The following GLIS3 variants were observed in gnomAD, a reference collection of about 807,000 sequenced individuals.
GLIS3 encodes the protein GLIS family zinc finger 3, also known as zinc finger protein GLIS3.
GLIS3 carries 53 observed loss-of-function variants against 78.6 expected under a neutral mutation model. That is an observed-to-expected ratio of 0.67 (90% CI 0.54 to 0.85). The LOEUF (loss-of-function observed/expected upper bound fraction) is 0.85. Ranked by LOEUF, GLIS3 falls within the 40% of genes least tolerant of loss-of-function variation. The probability of loss-of-function intolerance (pLI) is 0.00; values close to 1 mark genes in which losing one functional copy is unlikely to be tolerated. For synonymous variants in GLIS3, 684 were observed against 509.9 expected (o/e 1.34, Z -4.60); for missense variants, 1,703 against 1,231.1 (o/e 1.38, Z -5.74).
intron 4 of GLIS3, among the ~76,000 whole-genome samples, chr9:4,069,187 C>G (rs1030995667): frequency 2.6e-5 from 4 of 152,158 alleles, no homozygotes; most frequent in Admixed American, 6.5e-5. Flanking sequence ...TTCTAAGATA[C>G]TGGCCAGCTC....
At chr9:4,483,715 C>T in the GLIS3 span, among the ~76,000 whole-genome samples, 2 of 136,898 alleles carry the variant, frequency 1.5e-5, no homozygotes, top group African/African-American at 2.8e-5. Context: ...AGTGAGACTT[C>T]GTCTTGGGAA....
At chr9:4,366,348 T>G in the GLIS3 span, among the ~76,000 whole-genome samples, 1 of 152,134 alleles carries the variant, frequency 6.6e-6, no homozygotes, top group Non-Finnish European at 1.5e-5. Flanking sequence ...CTGAGTACTT[T>G]CAAGCGAATC....
intron 6 of GLIS3, among the ~76,000 whole-genome samples, chr9:3,924,533 G>A (rs1310773607): frequency 1.3e-5 from 2 of 152,230 alleles, no homozygotes; most frequent in Admixed American, 1.3e-4. Context: ...AAAAGTTTTT[G>A]TATTAGGCTT....
chr9:3,919,714 A>G (rs1824748289), intron 6 of GLIS3, among the ~76,000 whole-genome samples: 1 of 151,934 alleles, frequency 6.6e-6, no homozygotes, highest in South Asian at 2.1e-4. Flanking sequence ...GGATACCCCA[A>G]CTGGATGGTA....
intron 6 of GLIS3, among the ~76,000 whole-genome samples, chr9:3,919,125 T>C (rs534117864): frequency 6.6e-6 from 1 of 152,100 alleles, no homozygotes; most frequent in Non-Finnish European, 1.5e-5. Context: ...CTTACACAAT[T>C]TTCAATTAGG....
chr9:4,166,493 C>G (rs913684922), intron 2 of GLIS3, among the ~76,000 whole-genome samples: 2 of 152,192 alleles, frequency 1.3e-5, no homozygotes, highest in Non-Finnish European at 2.9e-5. Context: ...AAAAAAATAA[C>G]CATTCTTACA....
chr9:4,459,095 A>G, the GLIS3 span, among the ~76,000 whole-genome samples: 1 of 152,122 alleles, frequency 6.6e-6, no homozygotes, highest in African/African-American at 2.4e-5. Flanking sequence ...TAGTAGAAAC[A>G]CTCTGGCTGC....
intron 2 of GLIS3, among the ~76,000 whole-genome samples, chr9:4,174,981 A>C (rs540150524): frequency 3.9e-5 from 6 of 152,312 alleles, no homozygotes. Flanking sequence ...CAAGGGTGCA[A>C]AGGGAAGGGA....
At chr9:4,323,550 T>A (rs527589262) in intron 2 of GLIS3, among the ~76,000 whole-genome samples, 233 of 152,312 alleles carry the variant, frequency 1.5e-3, no homozygotes, top group African/African-American at 5.4e-3. Flanking sequence ...TTCACCTATT[T>A]AACTCCTACT....
At chr9:4,034,877 G>A (rs1303452483) in intron 4 of GLIS3, 1 of 152,104 alleles carries the variant, frequency 6.6e-6, no homozygotes, top group African/African-American at 2.4e-5. Flanking sequence ...GAGTGGTGAG[G>A]GGGACCAAAA....
rs749437004 is a variant in GLIS3 at position 4,075,291 on chromosome 9, G to A, written c.1710+42477C>T. Among the ~76,000 whole-genome samples the A allele has an allele frequency of 9.2e-5, 14 of 151,918 alleles. 1 individual carries two copies. In the South Asian group the frequency reaches 1.5e-3, roughly 16 times the overall value. ...TAAAAATAAAAAAGATATTCAGGCC[G>A]GGCGCGGTGGCTGACACCTATAATC... On this transcript the variant is annotated intron_variant, in intron 4 of 10. Transcript: ENST00000381971.
At chr9:4,418,686 CAG>C in the GLIS3 span, among the ~76,000 whole-genome samples, 5 of 151,674 alleles carry the variant, frequency 3.3e-5, no homozygotes, top group African/African-American at 1.2e-4. Context: ...ATGACAGAGC[CAG>C]AGTCCATCTC....
At chr9:3,936,383 G>T (rs183136738) in intron 5 of GLIS3, among the ~76,000 whole-genome samples, 1 of 152,252 alleles carries the variant, frequency 6.6e-6, no homozygotes, top group Admixed American at 6.5e-5. Context: ...GGGACTTAAG[G>T]GTGTAATAAT....
At chr9:4,471,003 C>A in the GLIS3 span, among the ~76,000 whole-genome samples, 1 of 151,190 alleles carries the variant, frequency 6.6e-6, no homozygotes, top group South Asian at 2.1e-4. Flanking sequence ...CTCCCATTCA[C>A]AATTGCTTCA....
chr9:4,145,776 C>T (rs770804543), intron 2 of GLIS3, among the ~76,000 whole-genome samples: 1 of 151,840 alleles, frequency 6.6e-6, no homozygotes, highest in South Asian at 2.1e-4. Context: ...CTCCCTTTCT[C>T]TCCCTCTCTC....
chr9:4,297,909 C>A (rs146837834), intron 1 of GLIS3, among the ~76,000 whole-genome samples: 17 of 152,140 alleles, frequency 1.1e-4, no homozygotes, highest in African/African-American at 3.9e-4. Flanking sequence ...GGCTTCGCTG[C>A]CGGGGTCGGA....
At chr9:4,399,902 T>C in the GLIS3 span, among the ~76,000 whole-genome samples, 3 of 152,156 alleles carry the variant, frequency 2.0e-5, no homozygotes, top group East Asian at 1.9e-4. Flanking sequence ...GAGAAAATAG[T>C]GTGAGGGCCA....
chr9:4,023,752 C>G (rs1823076743), intron 4 of GLIS3, among the ~76,000 whole-genome samples: 1 of 152,194 alleles, frequency 6.6e-6, no homozygotes, highest in Non-Finnish European at 1.5e-5. Context: ...GCTCCCATCT[C>G]CTCTCCTTCC....
intron 4 of GLIS3, among the ~76,000 whole-genome samples, chr9:4,058,244 T>G (rs10974306): frequency 0.28 from 42,050 of 152,030 alleles, 6,518 homozygotes; most frequent in East Asian, 0.39. Context: ...TCCTTGTTTT[T>G]TTTTGGCTTT....
Sources: allele counts gnomAD v4.1 joint callset (sites outside exome capture counted in the v4.1 genomes callset), GRCh38; gene constraint gnomAD v4.1.1; transcripts MANE v1.5; gene names NCBI Gene and HGNC (gene_info 2026-07-23, HGNC 2026-07-21).